The following CYP39A1 variants were observed in gnomAD, a reference collection of about 807,000 sequenced individuals.
The protein encoded by CYP39A1 is cytochrome P450 family 39 subfamily A member 1.
In CYP39A1, 49 loss-of-function variants were observed where a neutral mutation model predicts 58.1. The observed-to-expected ratio is 0.84, with a 90% confidence interval of 0.67 to 1.07. The LOEUF is 1.07. CYP39A1 is among the 50% of genes least tolerant of loss of function. The pLI is 0.00. For missense variants in CYP39A1, 531 were observed against 539.4 expected (o/e 0.98, Z 0.16); for synonymous variants, 209 against 187.6 (o/e 1.11, Z -0.93).
At chr6:46,626,555 T>C (rs1345638300) in intron 6 of CYP39A1, among the ~76,000 whole-genome samples, 1 of 152,170 alleles carries the variant, frequency 6.6e-6, no homozygotes, top group East Asian at 1.9e-4. Flanking sequence ...ATACTGTTCA[T>C]TATTTTTCCC....
Position 46,601,688 on chromosome 6 carries a change from A to G in CYP39A1, c.932-5568T>C, listed in dbSNP as rs528109772. Among the ~76,000 whole-genome samples, 6 of 149,434 alleles carry G rather than the reference A, an allele frequency of 4.0e-5. No homozygotes were observed. In the East Asian group the frequency reaches 1.2e-3, roughly 29 times the overall value. Reference sequence around the variant, plus strand: ...ACCTATTATTATTATTATTATTATTATTATTATTATTATTTAGAGACAGGG... The same window carrying G: ...ACCTATTATTATTATTATTATTATTGTTATTATTATTATTTAGAGACAGGG... On this transcript the variant is annotated intron_variant, in intron 7 of 11. Coordinates refer to ENST00000275016, the MANE Select transcript of CYP39A1 (RefSeq NM_016593.5).
At chr6:46,646,328 G>C (rs1762323409) in intron 1 of CYP39A1, among the ~76,000 whole-genome samples, 1 of 152,024 alleles carries the variant, frequency 6.6e-6, no homozygotes, top group Admixed American at 6.6e-5. Flanking sequence ...ATGGATATCA[G>C]GAATGGATAT....
At chr6:46,619,148 T>C (rs933107452) in intron 7 of CYP39A1, among the ~76,000 whole-genome samples, 2 of 152,198 alleles carry the variant, frequency 1.3e-5, no homozygotes, top group African/African-American at 4.8e-5. Context: ...AATAGGGTTC[T>C]GCTAACTCAA....
chr6:46,622,532 G>A (rs905997071), intron 7 of CYP39A1, among the ~76,000 whole-genome samples: 1 of 149,404 alleles, frequency 6.7e-6, no homozygotes, highest in Non-Finnish European at 1.5e-5. Context: ...AGGATCACTT[G>A]AGCCCAGGAG....
At chr6:46,603,605 T>C (rs567086660) in intron 7 of CYP39A1, among the ~76,000 whole-genome samples, 10 of 152,328 alleles carry the variant, frequency 6.6e-5, no homozygotes, top group East Asian at 1.9e-4. Context: ...AATGTCCCTG[T>C]GGTTTTGTAT....
At chr6:46,624,574 C>A (rs1775187684) in intron 7 of CYP39A1, among the ~76,000 whole-genome samples, 2 of 151,802 alleles carry the variant, frequency 1.3e-5, no homozygotes, top group South Asian at 2.1e-4. Flanking sequence ...AAAAAAAAAA[C>A]TTTAAATAAA....
chr6:46,630,501 T>C (rs1466588194), intron 6 of CYP39A1, among the ~76,000 whole-genome samples: 1 of 152,116 alleles, frequency 6.6e-6, no homozygotes, highest in Non-Finnish European at 1.5e-5. Context: ...AAATTTAAAT[T>C]ACCACCATGA....
At chr6:46,558,764 G>A (rs553267043) in intron 10 of CYP39A1, among the ~76,000 whole-genome samples, 3 of 152,282 alleles carry the variant, frequency 2.0e-5, no homozygotes, top group South Asian at 2.1e-4. Context: ...TTGGGAGGCC[G>A]AGGTGGGTGG....
chr6:46,600,810 A>G (rs1773447196), intron 7 of CYP39A1, among the ~76,000 whole-genome samples: 1 of 152,154 alleles, frequency 6.6e-6, no homozygotes, highest in Non-Finnish European at 1.5e-5. Context: ...ATCCTTTGTA[A>G]TGAACCAGAA....
intron 2 of CYP39A1, among the ~76,000 whole-genome samples, chr6:46,641,696 A>G (rs1328632243): frequency 6.6e-6 from 1 of 152,174 alleles, no homozygotes; most frequent in Non-Finnish European, 1.5e-5. Flanking sequence ...AGGGCAAGTC[A>G]AGCTCCCATT....
intron 1 of CYP39A1, among the ~76,000 whole-genome samples, chr6:46,647,379 CT>C (rs1762388366): frequency 6.6e-6 from 1 of 152,156 alleles, no homozygotes; most frequent in African/African-American, 2.4e-5. Context: ...ACAGGTAAGA[CT>C]TCAAATATCG....
chr6:46,603,247 C>A (rs1297437299), intron 7 of CYP39A1, among the ~76,000 whole-genome samples: 1 of 152,152 alleles, frequency 6.6e-6, no homozygotes, highest in East Asian at 1.9e-4. Flanking sequence ...ATTCACTATG[C>A]CAAAGGGAAA....
intron 10 of CYP39A1, among the ~76,000 whole-genome samples, chr6:46,571,918 CTA>C (rs1294727413): frequency 6.6e-6 from 1 of 151,996 alleles, no homozygotes; most frequent in Non-Finnish European, 1.5e-5. Flanking sequence ...TTTGTGGTCA[CTA>C]TGAGTCTTAC....
intron 7 of CYP39A1, among the ~76,000 whole-genome samples, chr6:46,619,514 C>T (rs1774829290): frequency 1.3e-5 from 2 of 151,782 alleles, no homozygotes; most frequent in Non-Finnish European, 2.9e-5. Context: ...TAAGACAAGT[C>T]AGAGAATCAC....
chr6:46,593,987 C>CT (rs1333004883), intron 8 of CYP39A1, among the ~76,000 whole-genome samples: 1 of 152,050 alleles, frequency 6.6e-6, no homozygotes, highest in Non-Finnish European at 1.5e-5. Flanking sequence ...CTAAAATTGT[C>CT]TTCCAGCTAT....
chr6:46,597,213 C>T (rs1773221457), intron 7 of CYP39A1, among the ~76,000 whole-genome samples: 1 of 152,064 alleles, frequency 6.6e-6, no homozygotes, highest in African/African-American at 2.4e-5. Context: ...TTCAATCTGA[C>T]AGATTCTTAA....
intron 7 of CYP39A1, among the ~76,000 whole-genome samples, chr6:46,605,642 C>T (rs1489784906): frequency 6.6e-6 from 1 of 152,058 alleles, no homozygotes; most frequent in Non-Finnish European, 1.5e-5. Flanking sequence ...CTAGAAAAAA[C>T]ACAAGCCTCT....
In CYP39A1 at chr6:46,553,737, C is replaced by A; in HGVS notation, c.1338+30G>T. 3 of 1,444,676 alleles carry A rather than the reference C, an allele frequency of 2.1e-6. No individual in the cohort carries two copies. In the South Asian group the frequency reaches 3.5e-5, roughly 17 times the overall value. 89.5% of individuals were successfully genotyped at this position (1,444,676 alleles called of 1,614,324 possible). ...TGGTTATGTCATATTTATAAGTAGTCATGATACTCAAAATTCTGAAAACAC... is the reference window on the plus strand; with the variant it reads ...TGGTTATGTCATATTTATAAGTAGTAATGATACTCAAAATTCTGAAAACAC... On this transcript the variant is annotated intron_variant, in intron 11 of 11. Coordinates refer to ENST00000275016, the MANE Select transcript of CYP39A1 (RefSeq NM_016593.5).
At chr6:46,624,571 A>G (rs9463225) in intron 7 of CYP39A1, among the ~76,000 whole-genome samples, 29,018 of 152,140 alleles carry the variant, frequency 0.19, 2,979 homozygotes, top group African/African-American at 0.27. Flanking sequence ...CCAAAAAAAA[A>G]AACTTTAAAT....
Sources: gnomAD v4.1 joint callset for allele counts (sites outside exome capture counted in the v4.1 genomes callset) on GRCh38, gnomAD v4.1.1 for gene constraint, MANE v1.5 for transcripts, NCBI Gene and HGNC (gene_info 2026-07-23, HGNC 2026-07-21) for gene names.